KIR3DL2: variants seen among roughly 807,000 people sequenced by gnomAD.
KIR3DL2 encodes killer cell immunoglobulin-like receptor 3DL2.
A neutral mutation model predicts 41.6 loss-of-function variants in KIR3DL2; 42 were observed. That is an observed-to-expected ratio of 1.01 (90% CI 0.79 to 1.31). The LOEUF is 1.31. Among genes scored for constraint, KIR3DL2 ranks in the 50% most tolerant of loss-of-function variants. The pLI is 0.00. For synonymous variants in KIR3DL2, 230 were observed against 221.3 expected (o/e 1.04, Z -0.35); for missense variants, 728 against 576.8 (o/e 1.26, Z -2.68).
intron 6 of KIR3DL2, among the ~76,000 whole-genome samples, chr19:54,863,794 C>T (rs2065334002): frequency 6.6e-6 from 1 of 151,934 alleles, no homozygotes; most frequent in South Asian, 2.1e-4. Context: ...AATTTTCTCC[C>T]ATTTTGTAGG....
rs1288807738 is a variant in KIR3DL2 at position 54,853,916 on chromosome 19, C to T, written c.525C>T (p.Val175=). 1 of 1,613,304 alleles carries T rather than the reference C, an allele frequency of 6.2e-7. No individual in the cohort carries two copies. The highest frequency in any genetic ancestry group is 8.5e-7 in the Non-Finnish European group (1 of 1,179,868). Reference sequence around the variant, plus strand: ...TCGTTGGACAGATCCATGATGGGGTCTCCAAGGCCAACTTCTCCATCGGTC... The same window carrying T: ...TCGTTGGACAGATCCATGATGGGGTTTCCAAGGCCAACTTCTCCATCGGTC... ...SRLVGQIHDG[V]SKANFSIGPL... is the part of the protein sequence containing the mutation. Residue 175 remains valine, a synonymous_variant, in exon 4 of 9, where the codon GTC becomes GTT. Coordinates refer to ENST00000326321, the MANE Select transcript of KIR3DL2 (RefSeq NM_006737.4).
intron 2 of KIR3DL2, among the ~76,000 whole-genome samples, 192 bp downstream of exon 2, chr19:54,851,447 G>A (rs2064227618): frequency 6.6e-6 from 1 of 151,158 alleles, no homozygotes; most frequent in Admixed American, 6.6e-5. Flanking sequence ...GTGAAGACTG[G>A]GGTGAGACTG....
At chr19:54,856,294 T>C (rs1288164981) in intron 5 of KIR3DL2, among the ~76,000 whole-genome samples, 3 of 151,828 alleles carry the variant, frequency 2.0e-5, no homozygotes, top group South Asian at 2.1e-4. Context: ...CTACACTCTT[T>C]TCTTTTCATT....
rs878938603 is a variant in KIR3DL2 at position 54,855,667 on chromosome 19, A to C, written c.704A>C (p.Gln235Pro). ...SLSAQPGPTV[Q>P]AGENVTLSCS... ...TCAGCCCAGCCGGGCCCCACGGTTC[A>C]GGCAGGAGAGAACGTGACCTTGTCC... is the stretch of plus-strand genomic sequence containing the variant. Residue 235 changes from glutamine (Q) to proline (P), a missense_variant, in exon 5 of 9, where the codon CAG becomes CCG. Coordinates refer to ENST00000326321, the MANE Select transcript of KIR3DL2 (RefSeq NM_006737.4). 2.1e-5 allele frequency: 34 copies of C among 1,606,640 alleles called. No homozygotes were observed. Among genetic ancestry groups the C allele is most frequent in the Non-Finnish European group, 2.5e-5 (29 of 1,174,040 alleles).
chr19:54,862,349 A>G (rs532189365), intron 6 of KIR3DL2, among the ~76,000 whole-genome samples: 1 of 152,214 alleles, frequency 6.6e-6, no homozygotes, highest in East Asian at 1.9e-4. Context: ...CTGTGTATCA[A>G]TCCCAGTCCA....
chr19:54,866,782 C>A lies in KIR3DL2; in HGVS notation c.*51C>A, dbSNP rs1274976181. The A allele has an allele frequency of 4.4e-6, 7 of 1,579,094 alleles. No individual in the cohort carries two copies. The highest frequency in any genetic ancestry group is 6.1e-6 in the Non-Finnish European group (7 of 1,150,552). ...CAGGTTGCCAGATCCAATGAACCAG[C>A]AGCTGGAATCTGAAGGCATCAGTCT... On this transcript the variant is annotated 3_prime_UTR_variant, in exon 9 of 9. Coordinates refer to ENST00000326321, the MANE Select transcript of KIR3DL2 (RefSeq NM_006737.4).
At chr19:54,853,459 T>C (rs1411513557) in intron 3 of KIR3DL2, among the ~76,000 whole-genome samples, 1 of 151,566 alleles carries the variant, frequency 6.6e-6, no homozygotes, top group Non-Finnish European at 1.5e-5. Flanking sequence ...CACCCCCACA[T>C]AGACAGCAGG....
Position 54,856,619 on chromosome 19 carries a change from G to T in KIR3DL2, c.949+707G>T, listed in dbSNP as rs2064800794. Among the ~76,000 whole-genome samples the T allele has an allele frequency of 1.3e-5, 2 of 152,048 alleles. 1 individual carries two copies. The highest frequency in any genetic ancestry group is 4.1e-4 in the South Asian group (2 of 4,828). ...GAAGCACTTAAAGCCAGGAGGCAGA[G>T]GTTGCACTGAGCCGAGATCATGCCA... On this transcript the variant is annotated intron_variant, in intron 5 of 8. Transcript: ENST00000326321.
intron 5 of KIR3DL2, among the ~76,000 whole-genome samples, chr19:54,857,239 G>A (rs2064856030): frequency 6.6e-6 from 1 of 151,192 alleles, no homozygotes; most frequent in Non-Finnish European, 1.5e-5. Context: ...ACAGGTGCAC[G>A]CCACCATGCC....
rs1399491345 is a variant in KIR3DL2, at chr19:54,851,233, G to T, written c.48G>T (p.Leu16=). 2 of 1,610,086 alleles carry T rather than the reference G, an allele frequency of 1.2e-6. No individual in the cohort carries two copies. Among genetic ancestry groups the T allele is most frequent in the Admixed American group, 3.3e-5 (2 of 59,808 alleles). The change falls in exon 2 of 9, where the codon CTG becomes CTT. Residue 16 remains leucine (L), a synonymous_variant. Transcript: ENST00000326321. ...VSMACVGFFL[L]QGAWPLMGGQ... ...CTTTCTTTCCAGGGTTCTTCTTGCTGCAGGGGGCCTGGCCACTCATGGGTG... is the reference window on the plus strand; with the variant it reads ...CTTTCTTTCCAGGGTTCTTCTTGCTTCAGGGGGCCTGGCCACTCATGGGTG...
chr19:54,866,290 C>A (rs529696922), intron 7 of KIR3DL2, 80 bp from the exon 8 acceptor site: 14 of 1,452,314 alleles, frequency 9.6e-6, no homozygotes, highest in African/African-American at 2.8e-5. Context: ...ACAGCCTCCC[C>A]CTGTGGGTTG....
chr19:54,860,257 G>T (rs1001142856), intron 6 of KIR3DL2, among the ~76,000 whole-genome samples: 4 of 152,106 alleles, frequency 2.6e-5, no homozygotes, highest in African/African-American at 9.7e-5. Flanking sequence ...CTGTTCTTGG[G>T]ACACTGATCT....
intron 5 of KIR3DL2, among the ~76,000 whole-genome samples, chr19:54,856,836 C>G (rs75177735): frequency 0.17 from 26,580 of 151,932 alleles, 3,011 homozygotes; most frequent in East Asian, 0.53. Context: ...TAATGACCTC[C>G]AGTTCCATCC....
chr19:54,864,341 C>T (rs978116680), intron 6 of KIR3DL2, among the ~76,000 whole-genome samples: 11 of 152,078 alleles, frequency 7.2e-5, no homozygotes, highest in African/African-American at 1.9e-4. Flanking sequence ...GCAATGCAGG[C>T]TCTTTTTTGA....
In KIR3DL2 at chr19:54,853,983, T is replaced by G; in HGVS notation, c.592T>G (p.Ser198Ala). ...TGCAGGAACCTACAGATGTTATGGT[T>G]CTGTTCCTCACTCCCCCTATCAGTT... is the stretch of plus-strand genomic sequence containing the variant. Reference protein sequence around the residue: ...VLAGTYRCYGSVPHSPYQLSA... With the variant: ...VLAGTYRCYGAVPHSPYQLSA... Residue 198 changes from serine (S) to alanine (A), a missense_variant, in exon 4 of 9, where the codon TCT becomes GCT. By Grantham distance (99) the Ser-to-Ala change is moderately conservative. Transcript: ENST00000326321. 1 of 1,613,314 alleles carries G rather than the reference T, an allele frequency of 6.2e-7. No individual in the cohort carries two copies. Among genetic ancestry groups the G allele is most frequent in the Non-Finnish European group, 8.5e-7 (1 of 1,179,826 alleles).
intron 7 of KIR3DL2, 62 bp downstream of exon 7, chr19:54,865,971 A>C (rs1238535691): frequency 2.8e-6 from 4 of 1,446,914 alleles, no homozygotes; most frequent in Admixed American, 1.8e-5. Context: ...GGATGGGAGC[A>C]CGCGGGTGTG....
chr19:54,862,541 C>T (rs2065247132), intron 6 of KIR3DL2, among the ~76,000 whole-genome samples: 1 of 152,144 alleles, frequency 6.6e-6, no homozygotes, highest in South Asian at 2.1e-4. Context: ...GAGCCAGTCC[C>T]TCAAGGCTCA....
At chr19:54,856,704 T>A (rs1186567908) in intron 5 of KIR3DL2, among the ~76,000 whole-genome samples, 5 of 151,746 alleles carry the variant, frequency 3.3e-5, no homozygotes, top group Admixed American at 3.3e-4. Context: ...AATACATCTA[T>A]ATTCTTTTTT....
Position 54,850,448 on chromosome 19 carries a change from G to T in KIR3DL2, c.-28G>T. On this transcript the variant is annotated 5_prime_UTR_variant, in exon 1 of 9. Coordinates refer to ENST00000326321, the MANE Select transcript of KIR3DL2 (RefSeq NM_006737.4). ...GTGCGCTGCTGAGCTGAGCTGGGGC[G>T]CGGCCTCCTGTCTGCACCGGCAGCA... 4 of 1,608,206 alleles carry T rather than the reference G, an allele frequency of 2.5e-6. No individual in the cohort carries two copies. Among genetic ancestry groups the T allele is most frequent in the Non-Finnish European group, 3.4e-6 (4 of 1,179,870 alleles).
Sources: gnomAD v4.1 joint callset for allele counts (sites outside exome capture counted in the v4.1 genomes callset) on GRCh38, gnomAD v4.1.1 for gene constraint, MANE v1.5 for transcripts, NCBI Gene and HGNC (gene_info 2026-07-23, HGNC 2026-07-21) for gene names.